The following PHTF2 variants were observed in gnomAD, a reference collection of about 807,000 sequenced individuals.
The protein encoded by PHTF2 is putative homeodomain transcription factor 2.
PHTF2 carries 60 observed loss-of-function variants against 101.2 expected under a neutral mutation model. That is an observed-to-expected ratio of 0.59 (90% CI 0.48 to 0.73). PHTF2 has a LOEUF of 0.73. PHTF2 is among the 30% of genes least tolerant of loss of function. The probability of loss-of-function intolerance (pLI) is 0.00; values close to 1 mark genes in which losing one functional copy is unlikely to be tolerated. For synonymous variants in PHTF2, 311 were observed against 307.3 expected, an observed-to-expected ratio of 1.01 and a Z score of -0.13; for missense variants, 747 against 908.7, an observed-to-expected ratio of 0.82 and a Z score of 2.29.
chr7:77,912,438 C>T (rs895766126), intron 9 of PHTF2, among the ~76,000 whole-genome samples: 4 of 152,076 alleles, frequency 2.6e-5, no homozygotes, highest in Admixed American at 2.6e-4. Context: ...ACAGGAAGTG[C>T]TTAAACTAAG....
At chr7:77,825,656 G>C (rs1290072347) in intron 1 of PHTF2, among the ~76,000 whole-genome samples, 1 of 152,178 alleles carries the variant, frequency 6.6e-6, no homozygotes, top group African/African-American at 2.4e-5. Flanking sequence ...AGTAGTTCCT[G>C]ATTCTCAAAC....
intron 11 of PHTF2, among the ~76,000 whole-genome samples, chr7:77,927,124 C>G (rs958080098): frequency 1.5e-5 from 2 of 136,556 alleles, no homozygotes; most frequent in African/African-American, 5.4e-5. Flanking sequence ...TGCTGCTGCA[C>G]TCCAGCCTGG....
intron 3 of PHTF2, among the ~76,000 whole-genome samples, chr7:77,861,787 G>T (rs1459814851): frequency 6.6e-6 from 1 of 152,172 alleles, no homozygotes. Context: ...GCCAGCTGTG[G>T]TGGTGCATGC....
chr7:77,860,676 T>C (rs1797564668), intron 3 of PHTF2, among the ~76,000 whole-genome samples: 1 of 152,210 alleles, frequency 6.6e-6, no homozygotes, highest in Non-Finnish European at 1.5e-5. Flanking sequence ...ATATAGACTG[T>C]TGTTATTAAT....
chr7:77,940,946 A>G (rs181709141), intron 15 of PHTF2, among the ~76,000 whole-genome samples: 44 of 152,276 alleles, frequency 2.9e-4, no homozygotes, highest in African/African-American at 1.0e-3. Flanking sequence ...TTTTCATGTC[A>G]TTATTTTCCT....
intron 1 of PHTF2, among the ~76,000 whole-genome samples, chr7:77,816,646 GT>G (rs1793876511): frequency 6.6e-6 from 1 of 152,090 alleles, no homozygotes; most frequent in South Asian, 2.1e-4. Flanking sequence ...TCCAACAGTG[GT>G]ATAGAACACT....
At chr7:77,948,667 C>T (rs1273659570) in intron 16 of PHTF2, among the ~76,000 whole-genome samples, 1 of 152,014 alleles carries the variant, frequency 6.6e-6, no homozygotes, top group African/African-American at 2.4e-5. Context: ...AATTCAATTA[C>T]CAATAAGCAT....
In PHTF2 at chr7:77,927,177, A is replaced by AAATAT. The variant is rs1554388762; in HGVS notation, c.1120-1931_1120-1930insATATA. Among the ~76,000 whole-genome samples, 196 of 78,106 alleles carry AAATAT rather than the reference A, an allele frequency of 2.5e-3. 3 individuals are homozygous for AAATAT. The highest frequency in any genetic ancestry group is 3.5e-3 in the Non-Finnish European group (142 of 41,030). 51.2% of individuals were successfully genotyped at this position (78,106 alleles called of 152,430 possible). Reference sequence around the variant, plus strand: ...CATCTCAAAAAAAAAAAAAAAAAAAAATATATATATATATATATACATACA... The same window carrying AAATAT: ...CATCTCAAAAAAAAAAAAAAAAAAAAAATATATATATATATATATATATACATACA... On this transcript the variant is annotated intron_variant, in intron 11 of 19. Transcript: ENST00000416283.
exon 20 of PHTF2, chr7:77,954,898 T>C (rs1562983336): frequency 1.4e-6 from 2 of 1,413,808 alleles, no homozygotes; most frequent in Non-Finnish European, 2.0e-6. Context: ...GAAAAGAAGA[T>C]GTAGCCTCTT....
At chr7:77,824,465 T>C (rs1794552878) in intron 1 of PHTF2, among the ~76,000 whole-genome samples, 1 of 152,110 alleles carries the variant, frequency 6.6e-6, no homozygotes, top group Non-Finnish European at 1.5e-5. Flanking sequence ...TAAATTTTAC[T>C]TTTAGGCTGG....
intron 11 of PHTF2, chr7:77,923,414 T>C (rs1171006635): frequency 4.1e-6 from 4 of 982,890 alleles, no homozygotes; most frequent in Non-Finnish European, 3.6e-6. Context: ...TTTTGAGCTA[T>C]GTTAGTAATT....
At chr7:77,855,815 C>A (rs372065715) in intron 3 of PHTF2, among the ~76,000 whole-genome samples, 1 of 152,190 alleles carries the variant, frequency 6.6e-6, no homozygotes, top group South Asian at 2.1e-4. Context: ...CCCCCAAGCA[C>A]GTTGATATAC....
chr7:77,891,003 G>T (rs1800352309), intron 3 of PHTF2, among the ~76,000 whole-genome samples: 1 of 150,514 alleles, frequency 6.6e-6, no homozygotes, highest in African/African-American at 2.5e-5. Flanking sequence ...GACCTCCTGG[G>T]CTCCAGTGAT....
At chr7:77,917,598 T>A (rs991786096) in intron 9 of PHTF2, among the ~76,000 whole-genome samples, 16 of 152,334 alleles carry the variant, frequency 1.1e-4, no homozygotes, top group African/African-American at 3.1e-4. Context: ...AAAATCTGAT[T>A]CCCATTATCC....
At chr7:77,809,841 G>T (rs540678199) in intron 1 of PHTF2, among the ~76,000 whole-genome samples, 1 of 152,296 alleles carries the variant, frequency 6.6e-6, no homozygotes, top group Admixed American at 6.5e-5. Flanking sequence ...CAACTGGAAT[G>T]ACCTTTAGCT....
intron 9 of PHTF2, among the ~76,000 whole-genome samples, chr7:77,917,366 GA>G (rs1358397961): frequency 3.9e-5 from 6 of 152,144 alleles, no homozygotes; most frequent in Non-Finnish European, 7.3e-5. Flanking sequence ...CTGAGTTCAA[GA>G]TACACTTGTT....
At chr7:77,803,552 C>T (rs1277628873) in intron 1 of PHTF2, among the ~76,000 whole-genome samples, 1 of 152,020 alleles carries the variant, frequency 6.6e-6, no homozygotes, top group Non-Finnish European at 1.5e-5. Context: ...TTTATTTATT[C>T]TTTAAATGGA....
At chr7:77,881,373 G>A (rs7786819) in intron 3 of PHTF2, among the ~76,000 whole-genome samples, 122 of 152,060 alleles carry the variant, frequency 8.0e-4, no homozygotes, top group African/African-American at 2.8e-3. Flanking sequence ...TCTCCTTAAT[G>A]TATTCAATTT....
At chr7:77,904,532 G>A (rs566922581) in intron 7 of PHTF2, among the ~76,000 whole-genome samples, 101 of 152,328 alleles carry the variant, frequency 6.6e-4, no homozygotes, top group African/African-American at 2.3e-3. Flanking sequence ...GGGTGGAAGT[G>A]CAAGAGTGAG....
Sources: allele counts gnomAD v4.1 joint callset (sites outside exome capture counted in the v4.1 genomes callset), GRCh38; gene constraint gnomAD v4.1.1; transcripts MANE v1.5; gene names NCBI Gene and HGNC (gene_info 2026-07-23, HGNC 2026-07-21).